Variants in MATR3 observed in about 807,000 individuals in gnomAD.
MATR3 encodes matrin-3.
Under a neutral mutation model 85.5 loss-of-function variants are expected in MATR3, and 4 were observed. The ratio of observed to expected loss-of-function variants is 0.05; its 90% CI spans 0.02 to 0.11. MATR3 has a LOEUF of 0.11. Among genes scored for constraint, MATR3 ranks in the 10% least tolerant of loss-of-function variants. MATR3 has a pLI of 1.00. For synonymous variants in MATR3, 336 were observed against 343.1 expected, an observed-to-expected ratio of 0.98 and a Z score of 0.23; for missense variants, 685 against 1,016.1, an observed-to-expected ratio of 0.67 and a Z score of 4.43.
intron 1 of MATR3, among the ~76,000 whole-genome samples, chr5:139,295,178 T>A (rs531535478): frequency 1.3e-5 from 2 of 152,362 alleles, no homozygotes; most frequent in South Asian, 4.1e-4. Context: ...TTAAAAACAT[T>A]TCTTTACTAA....
At chr5:139,296,308 G>A (rs1309285636) in intron 1 of MATR3, among the ~76,000 whole-genome samples, 14 of 152,066 alleles carry the variant, frequency 9.2e-5, no homozygotes, top group Admixed American at 6.6e-4. Flanking sequence ...AAATGGTAAC[G>A]GTATACAGTT....
chr5:139,290,850 C>A (rs1753849981), upstream of MATR3, among the ~76,000 whole-genome samples: 1 of 152,132 alleles, frequency 6.6e-6, no homozygotes, highest in Non-Finnish European at 1.5e-5. Flanking sequence ...CCCATATATA[C>A]CACTCCTTAC....
intron 9 of MATR3, among the ~76,000 whole-genome samples, chr5:139,320,460 C>A (rs998596851): frequency 4.6e-5 from 7 of 152,034 alleles, no homozygotes; most frequent in Non-Finnish European, 1.0e-4. Context: ...TTTTTTTAAC[C>A]AGGCAAAGTG....
At chr5:139,301,737 C>A (rs1754455928) in intron 1 of MATR3, among the ~76,000 whole-genome samples, 1 of 152,180 alleles carries the variant, frequency 6.6e-6, no homozygotes, top group Admixed American at 6.5e-5. Flanking sequence ...CACGGGGTAA[C>A]TTTCTATCTT....
At chr5:139,316,919 C>T in intron 5 of MATR3, 134 bp from the exon 6 acceptor site, 1 of 730,106 alleles carries the variant, frequency 1.4e-6, no homozygotes, top group South Asian at 1.5e-5. Flanking sequence ...AAAAACATTG[C>T]ATGAAAAGTG....
At chr5:139,274,933 G>A (rs1019034908) in intron 1 of MATR3, among the ~76,000 whole-genome samples, 1 of 151,438 alleles carries the variant, frequency 6.6e-6, no homozygotes, top group African/African-American at 2.4e-5. Flanking sequence ...AAAAAAAAAT[G>A]GTGACTGTGT....
chr5:139,296,017 T>G (rs1321202687), intron 1 of MATR3, among the ~76,000 whole-genome samples: 2 of 152,156 alleles, frequency 1.3e-5, no homozygotes, highest in Admixed American at 1.3e-4. Flanking sequence ...AGAGACGTGT[T>G]CTCACAATAT....
intron 1 of MATR3, among the ~76,000 whole-genome samples, chr5:139,297,403 T>C (rs1754211049): frequency 6.6e-6 from 1 of 152,228 alleles, no homozygotes; most frequent in Non-Finnish European, 1.5e-5. Flanking sequence ...TTAAGGGCTC[T>C]GAAGTTCTTG....
chr5:139,331,571 C>CA lies in MATR3; in HGVS notation c.*2177dup, dbSNP rs1353449512. On this transcript the variant is annotated 3_prime_UTR_variant, in exon 15 of 15. Transcript: ENST00000394805. ...TCTTTTTAGTAGGAATGTTTCCACT[C>CA]ATGTTTGCTGTAAAGTTTAAGAACA... is the stretch of plus-strand genomic sequence containing the variant. The CA allele has an allele frequency of 9.0e-5, 41 of 454,112 alleles. 1 individual carries two copies. Among genetic ancestry groups the CA allele is most frequent in the African/African-American group, 4.2e-4 (21 of 50,132 alleles). The allele number at this position is 454,112 out of a possible 1,614,324, so 28.1% of individuals were successfully genotyped here.
intron 1 of MATR3, among the ~76,000 whole-genome samples, chr5:139,297,847 C>A (rs1031221851): frequency 6.6e-6 from 1 of 152,176 alleles, no homozygotes; most frequent in South Asian, 2.1e-4. Context: ...TTGCTCCCCA[C>A]CCACCAAACC....
chr5:139,278,588 A>G (rs11747498), intron 2 of MATR3: 202,792 of 353,812 alleles, frequency 0.57, 64,875 homozygotes, highest in Non-Finnish European at 0.69. Flanking sequence ...TGCTTGGCAC[A>G]TGGCAGGACC....
At chr5:139,293,900 G>A in intron 1 of MATR3, 95 bp downstream of exon 1, 1 of 1,056,510 alleles carries the variant, frequency 9.5e-7, no homozygotes, top group African/African-American at 1.6e-5. Flanking sequence ...GCTGCGGGGA[G>A]CCGGCGGCGC....
intron 2 of MATR3, chr5:139,314,357 A>G (rs1485913720): frequency 1.5e-5 from 5 of 338,470 alleles, no homozygotes; most frequent in South Asian, 1.4e-4. Flanking sequence ...GTAAAAATTA[A>G]TAAGCCTTGC....
chr5:139,299,175 A>G (rs1305237272), intron 1 of MATR3, among the ~76,000 whole-genome samples: 1 of 152,196 alleles, frequency 6.6e-6, no homozygotes, highest in Non-Finnish European at 1.5e-5. Flanking sequence ...TTGAATGATT[A>G]AAAGGGGATG....
upstream of MATR3, among the ~76,000 whole-genome samples, chr5:139,293,018 G>A (rs1753929941): frequency 1.3e-5 from 2 of 152,192 alleles, no homozygotes; most frequent in Non-Finnish European, 2.9e-5. Context: ...CTGAGAGGCG[G>A]AGGCGGGAGC....
At position 139,317,074 on chromosome 5, in the gene MATR3, A is replaced by G; in HGVS notation, c.1151A>G (p.Gln384Arg). 6.2e-7 allele frequency: 1 copy of G among 1,614,140 alleles called. No individual in the cohort carries two copies. Among genetic ancestry groups the G allele is most frequent in the Non-Finnish European group, 8.5e-7 (1 of 1,179,988 alleles). The change falls in exon 6 of 15, where the codon CAA (glutamine) becomes CGA (arginine). Residue 384 changes from glutamine to arginine, a missense_variant. By Grantham distance (43) the Gln-to-Arg change is conservative (BLOSUM62 1). Transcript: ENST00000394805. ...GNLGAGNGNL[Q>R]GPRHMQKGRV... ...AAAGGTGCTGGAAATGGAAACCTGC[A>G]AGGACCTAGACACATGCAGAAAGGC...
At chr5:139,291,601 G>A (rs1002866462), upstream of MATR3, among the ~76,000 whole-genome samples, 8 of 152,070 alleles carry the variant, frequency 5.3e-5, no homozygotes, top group Admixed American at 3.3e-4. Context: ...GCAATGGCGC[G>A]ACCTTGGCTT....
At chr5:139,285,295 G>GTGGGTTC (rs1753667703) in intron 3 of MATR3, 1 of 152,174 alleles carries the variant, frequency 6.6e-6, no homozygotes, top group Non-Finnish European at 1.5e-5. Flanking sequence ...GTAGTGTGCA[G>GTGGGTTC]TGGGTTCTGT....
chr5:139,288,128 C>T (rs1192192990), intron 3 of MATR3, among the ~76,000 whole-genome samples: 1 of 152,144 alleles, frequency 6.6e-6, no homozygotes, highest in African/African-American at 2.4e-5. Flanking sequence ...GGTGAAGGAA[C>T]ACTTGAGCCC....
Sources: allele counts gnomAD v4.1 joint callset (sites outside exome capture counted in the v4.1 genomes callset), GRCh38; gene constraint gnomAD v4.1.1; transcripts MANE v1.5; gene names NCBI Gene and HGNC (gene_info 2026-07-23, HGNC 2026-07-21).